MTCH1: variants seen among roughly 807,000 people sequenced by gnomAD.
MTCH1 encodes mitochondrial carrier homolog 1.
Under a neutral mutation model 49.3 loss-of-function variants are expected in MTCH1, and 23 were observed. The ratio of observed to expected loss-of-function variants is 0.47; its 90% CI spans 0.34 to 0.66. The LOEUF is 0.66. MTCH1 is among the 30% of genes least tolerant of loss of function. The probability of loss-of-function intolerance (pLI) is 0.01; values close to 1 mark genes in which losing one functional copy is unlikely to be tolerated. For missense variants in MTCH1, 397 were observed against 532.1 expected, an observed-to-expected ratio of 0.75 and a Z score of 2.50; for synonymous variants, 229 against 215.2, an observed-to-expected ratio of 1.06 and a Z score of -0.56.
rs7759063 is a variant in MTCH1 at position 36,978,682 on chromosome 6, C to A, written c.407-71G>T. 11,688 of 1,351,186 alleles carry A rather than the reference C, an allele frequency of 8.7e-3. 630 individuals carry two copies. The African/African-American group carries it at 0.13, about 15-fold the overall frequency. The allele number at this position is 1,351,186 out of a possible 1,614,324, so 83.7% of individuals were successfully genotyped here. ...GCACCCACTCCTGGGTCACACACAC[C>A]CAGACCAGGCTCGGCTTGTCCTTCA... On this transcript the variant is annotated intron_variant, in intron 2 of 11. Coordinates refer to ENST00000373627, the MANE Select transcript of MTCH1 (RefSeq NM_001271641.2).
rs1360163413 is a variant in MTCH1 at position 36,982,432 on chromosome 6, G to A, written c.322-760C>T. On this transcript the variant is annotated intron_variant, in intron 1 of 11. Transcript: ENST00000373627. The surrounding 1 kb of genome is among the most constrained non-coding windows in gnomAD (Gnocchi z 4.1). ...TCACTCTTGTTGCCCAGGATGGAGTGCAATGGCGTGCTCTCAGCTCACCGC... is the reference window on the plus strand; with the variant it reads ...TCACTCTTGTTGCCCAGGATGGAGTACAATGGCGTGCTCTCAGCTCACCGC... 1.3e-5 allele frequency among the ~76,000 whole-genome samples: 2 copies of A among 151,574 alleles called. No homozygotes were observed. The highest frequency in any genetic ancestry group is 4.9e-5 in the African/African-American group (2 of 41,112).
chr6:36,978,265 T>G, intron 3 of MTCH1, 110 bp from the exon 4 acceptor site: 1 of 1,037,414 alleles, frequency 9.6e-7, no homozygotes, highest in Non-Finnish European at 1.5e-6. Context: ...CAGTGTCTAT[T>G]GGCTGGGCCC....
rs1432923299 is a variant in MTCH1 at position 36,985,919 on chromosome 6, G to C, written c.255C>G (p.Phe85Leu). Residue 85 changes from phenylalanine (F) to leucine (L), a missense_variant, in exon 1 of 12, where the codon TTC becomes TTG. This residue lies in a region of MTCH1 where 145 missense variants were observed against 143.8 expected (regional missense o/e 1.01). Transcript: ENST00000373627. Reference protein sequence around the residue: ...GDNAPTTEALFVALGAGVTAL... With the variant: ...GDNAPTTEALLVALGAGVTAL... ...CCGTCACGCCCGCGCCCAGTGCCAC[G>C]AAAAGAGCCTCAGTGGTCGGGGCGT... 4 of 1,555,726 alleles carry C rather than the reference G, an allele frequency of 2.6e-6. No individual in the cohort carries two copies. Among genetic ancestry groups the C allele is most frequent in the Non-Finnish European group, 3.5e-6 (4 of 1,149,830 alleles).
chr6:36,970,265 C>A, intron 10 of MTCH1, 141 bp downstream of exon 10: 1 of 1,438,760 alleles, frequency 7.0e-7, no homozygotes, highest in South Asian at 1.2e-5. Flanking sequence ...TGGGAAATCC[C>A]AGCGGAAGCC....
chr6:36,968,563 C>A lies in MTCH1; in HGVS notation c.*340G>T, dbSNP rs1763559541. On this transcript the variant is annotated 3_prime_UTR_variant, in exon 12 of 12. Coordinates refer to ENST00000373627, the MANE Select transcript of MTCH1 (RefSeq NM_001271641.2). ...AGGGGTAGACGGGGTGGGGTCTGAC[C>A]CCATTAGCCTTTCCCCATCCAACCT... 2 of 390,134 alleles carry A rather than the reference C, an allele frequency of 5.1e-6. No homozygotes were observed. The highest frequency in any genetic ancestry group is 2.0e-5 in the South Asian group (1 of 50,322). The allele number at this position is 390,134 out of a possible 1,614,324, so 24.2% of individuals were successfully genotyped here. A position where few individuals can be genotyped will look rare whatever the true frequency, so the allele number is the denominator to read the frequency against.
rs959949185 is a variant in MTCH1 at position 36,986,157 on chromosome 6, G to C, written c.17C>G (p.Pro6Arg). ...GCCGCGAGCCCAGGGCGCCACTTCC[G>C]GGTCCGAAGCTCCCATGGCGCCCGG... is the stretch of plus-strand genomic sequence containing the variant. MGASD[P>R]EVAPWARGGA... Residue 6 changes from proline to arginine, a missense_variant, in exon 1 of 12, where the codon CCG (proline) becomes CGG (arginine). Coordinates refer to ENST00000373627, the MANE Select transcript of MTCH1 (RefSeq NM_001271641.2). 5 of 1,436,140 alleles carry C rather than the reference G, an allele frequency of 3.5e-6. No individual in the cohort carries two copies. Among genetic ancestry groups the C allele is most frequent in the Non-Finnish European group, 4.5e-6 (5 of 1,102,658 alleles). The allele number at this position is 1,436,140 out of a possible 1,614,324, so 89.0% of individuals were successfully genotyped here.
chr6:36,976,923 G>A (rs1246974878), intron 6 of MTCH1, among the ~76,000 whole-genome samples: 2 of 152,198 alleles, frequency 1.3e-5, no homozygotes, highest in Non-Finnish European at 2.9e-5. Flanking sequence ...CAGCTCTGGG[G>A]CCAGAAATCC....
At chr6:36,978,733 A>T in intron 2 of MTCH1, 122 bp from the exon 3 acceptor site, 1 of 765,918 alleles carries the variant, frequency 1.3e-6, no homozygotes, top group Non-Finnish European at 2.2e-6. Flanking sequence ...CAGGCACAGA[A>T]GGTAACATCT....
intron 11 of MTCH1, chr6:36,969,214 A>G: frequency 4.1e-6 from 4 of 985,372 alleles, no homozygotes; most frequent in Non-Finnish European, 4.8e-6. Flanking sequence ...CCTAGAGAGG[A>G]GGCTCATTGC....
At chr6:36,981,503 G>C (rs917491939) in intron 2 of MTCH1, 85 bp downstream of exon 2, 43 of 1,306,662 alleles carry the variant, frequency 3.3e-5, no homozygotes, top group Non-Finnish European at 4.5e-5. Context: ...TGCGCAGTGA[G>C]TTCCCCGGGG....
chr6:36,975,246 G>A (rs968625465), intron 7 of MTCH1, among the ~76,000 whole-genome samples: 2 of 152,232 alleles, frequency 1.3e-5, no homozygotes, highest in African/African-American at 2.4e-5. Flanking sequence ...GAAAAGCAAT[G>A]TCAAACAGAA....
At position 36,986,195 on chromosome 6, in the gene MTCH1, T is replaced by TC. The variant is rs573575577; in HGVS notation, c.-23dup. 13 of 1,413,946 alleles carry TC rather than the reference T, an allele frequency of 9.2e-6. No homozygotes were observed. In the South Asian group the frequency reaches 1.6e-4, roughly 17 times the overall value. The allele number at this position is 1,413,946 out of a possible 1,614,324, so 87.6% of individuals were successfully genotyped here. A position where few individuals can be genotyped will look rare whatever the true frequency, so the allele number is the denominator to read the frequency against. ...CCATGGCGCCCGGCGGCGAGGTCAC[T>TC]CCCCGTCACGTGACGGGGCCACGCC... On this transcript the variant is annotated 5_prime_UTR_variant, in exon 1 of 12. Coordinates refer to ENST00000373627, the MANE Select transcript of MTCH1 (RefSeq NM_001271641.2).
rs1033887261 is a variant in MTCH1 at position 36,972,369 on chromosome 6, C to A, written c.906+283G>T. On this transcript the variant is annotated intron_variant, in intron 8 of 11. Transcript: ENST00000373627. This position sits in a 1 kb window ranked among gnomAD's most constrained non-coding sequence, Gnocchi z 4.1. ...GGTCTATCTTCTGACTTCCTGAGCC[C>A]TAGTTGGGTCACTGCCTCGGAGCAG... Among the ~76,000 whole-genome samples the A allele has an allele frequency of 3.3e-5, 5 of 152,162 alleles. No individual in the cohort carries two copies. The highest frequency in any genetic ancestry group is 1.2e-4 in the African/African-American group (5 of 41,438).
At chr6:36,985,755 AATCCGTCGCCATTGACTG>A in intron 1 of MTCH1, 80 bp downstream of exon 1, 1 of 960,846 alleles carries the variant, frequency 1.0e-6, no homozygotes, top group African/African-American at 2.2e-5. Flanking sequence ...CCTCTCCCCA[AATCCGTCGCCATTGACTG>A]CCCGCCCCAA....
At chr6:36,985,803 T>TC (rs1764284766) in intron 1 of MTCH1, 50 bp downstream of exon 1, 1 of 1,416,562 alleles carries the variant, frequency 7.1e-7, no homozygotes, top group Admixed American at 2.1e-5. Flanking sequence ...TCCTGGCCTG[T>TC]CACCTTCACA....
upstream of MTCH1, among the ~76,000 whole-genome samples, chr6:36,986,470 C>T (rs1451775918): frequency 2.0e-5 from 3 of 152,096 alleles, no homozygotes; most frequent in Admixed American, 6.5e-5. Context: ...GGGCGGGGTT[C>T]GGCGCCTCTG....
chr6:36,981,705 G>A, intron 1 of MTCH1, 33 bp from the exon 2 acceptor site: 8 of 1,585,322 alleles, frequency 5.0e-6, no homozygotes, highest in Non-Finnish European at 6.9e-6. Context: ...GGGACGCTCA[G>A]AGTCTCGTGG....
chr6:36,984,542 C>A (rs1445863766), intron 1 of MTCH1, among the ~76,000 whole-genome samples: 1 of 152,156 alleles, frequency 6.6e-6, no homozygotes, highest in Non-Finnish European at 1.5e-5. Context: ...ATGGTAAAAT[C>A]TGACACCCAC....
At chr6:36,971,856 A>G (rs995041725) in intron 8 of MTCH1, among the ~76,000 whole-genome samples, 1 of 152,098 alleles carries the variant, frequency 6.6e-6, no homozygotes, top group Non-Finnish European at 1.5e-5. Flanking sequence ...TGGACACTGC[A>G]ATTCCCAGCC....
Sources: gnomAD v4.1 joint callset for allele counts (sites outside exome capture counted in the v4.1 genomes callset) on GRCh38, gnomAD v4.1.1 for gene constraint, gnomAD v4.1.1 regional missense constraint, Gnocchi (gnomAD v3.1) non-coding constraint, MANE v1.5 for transcripts, NCBI Gene and HGNC (gene_info 2026-07-23, HGNC 2026-07-21) for gene names.